Variants in NRG1 observed in about 807,000 individuals in gnomAD.
The protein encoded by NRG1 is pro-neuregulin-1, membrane-bound isoform.
NRG1 carries 18 observed loss-of-function variants against 63.8 expected under a neutral mutation model. The ratio of observed to expected loss-of-function variants is 0.28; its 90% CI spans 0.19 to 0.42. NRG1 has a LOEUF of 0.42. Ranked by LOEUF, NRG1 falls within the 10% of genes least tolerant of loss-of-function variation. NRG1 has a pLI of 1.00. For synonymous variants in NRG1, 302 were observed against 301.3 expected (o/e 1.00, Z -0.02); for missense variants, 762 against 814.7 (o/e 0.94, Z 0.79).
chr8:31,727,861 A>G (rs11781954), intron 1 of NRG1, among the ~76,000 whole-genome samples: 76,445 of 151,996 alleles, frequency 0.5, 20,972 homozygotes, highest in Non-Finnish European at 0.62. Flanking sequence ...CAGTATACCA[A>G]CATCACTGCT....
At chr8:32,286,252 T>C (rs1279123939) in intron 1 of NRG1, among the ~76,000 whole-genome samples, 1 of 152,176 alleles carries the variant, frequency 6.6e-6, no homozygotes, top group Non-Finnish European at 1.5e-5. Flanking sequence ...TTTGTAGTTG[T>C]TCACAAACCT....
intron 1 of NRG1, among the ~76,000 whole-genome samples, chr8:32,250,216 A>C (rs1440021837): frequency 6.6e-6 from 1 of 152,140 alleles, no homozygotes; most frequent in East Asian, 1.9e-4. Context: ...AACTCCATAA[A>C]AACGGTTGAT....
chr8:31,728,118 A>G (rs1813636384), intron 1 of NRG1, among the ~76,000 whole-genome samples: 1 of 152,192 alleles, frequency 6.6e-6, no homozygotes, highest in South Asian at 2.1e-4. Flanking sequence ...TTTCAAACCA[A>G]GGGTAACTGA....
At chr8:32,344,354 CTT>C (rs779716648) in intron 1 of NRG1, among the ~76,000 whole-genome samples, 1 of 36,348 alleles carries the variant, frequency 2.8e-5, no homozygotes, top group Admixed American at 2.2e-4. Context: ...TTCTTTCTTT[CTT>C]TCTTTCTTTC....
chr8:32,538,378 T>C (rs1200158409), intron 1 of NRG1, among the ~76,000 whole-genome samples: 1 of 152,194 alleles, frequency 6.6e-6, no homozygotes, highest in Non-Finnish European at 1.5e-5. Flanking sequence ...AAGGAATTTA[T>C]AGACAAGAAA....
At position 32,688,749 on chromosome 8, in the gene NRG1, G is replaced by T. The variant is rs1263653693; in HGVS notation, c.503-39200G>T. Among the ~76,000 whole-genome samples, 6 of 152,132 alleles carry T rather than the reference G, an allele frequency of 3.9e-5. 1 individual carries two copies. Among genetic ancestry groups the T allele is most frequent in the Middle Eastern group, 6.8e-3 (2 of 294 alleles). On this transcript the variant is annotated intron_variant, in intron 5 of 11. Transcript: ENST00000356819. ...CTTAAATAACATTATTAAAGCAATTGTTGCTTTAGGTTGTTCATTAATAAA... is the reference window on the plus strand; with the variant it reads ...CTTAAATAACATTATTAAAGCAATTTTTGCTTTAGGTTGTTCATTAATAAA...
At chr8:32,274,657 G>A (rs1272172330) in intron 1 of NRG1, among the ~76,000 whole-genome samples, 1 of 151,960 alleles carries the variant, frequency 6.6e-6, no homozygotes, top group Non-Finnish European at 1.5e-5. Flanking sequence ...TCTTTTTCTA[G>A]CCACCTGAGT....
chr8:31,946,172 A>C (rs1286970002), intron 1 of NRG1, among the ~76,000 whole-genome samples: 1 of 152,198 alleles, frequency 6.6e-6, no homozygotes, highest in Non-Finnish European at 1.5e-5. Context: ...CATTTGTCTG[A>C]CAGCATTTTT....
intron 1 of NRG1, among the ~76,000 whole-genome samples, chr8:32,278,331 A>G (rs1007527086): frequency 1.3e-5 from 2 of 152,182 alleles, no homozygotes; most frequent in African/African-American, 4.8e-5. Flanking sequence ...GGGGAAAAAA[A>G]GTTGAGAAAC....
chr8:32,073,092 G>A (rs1396540474), intron 1 of NRG1, among the ~76,000 whole-genome samples: 1 of 152,004 alleles, frequency 6.6e-6, no homozygotes, highest in Non-Finnish European at 1.5e-5. Flanking sequence ...TGAAAGTTCT[G>A]GCCTCTATCT....
intron 1 of NRG1, among the ~76,000 whole-genome samples, chr8:32,113,874 C>G (rs2131478027): frequency 6.6e-6 from 1 of 152,240 alleles, no homozygotes; most frequent in Admixed American, 6.5e-5. Flanking sequence ...CCATTTCATG[C>G]TGTAAAAATG....
At chr8:31,999,868 AT>A (rs573027886) in intron 1 of NRG1, among the ~76,000 whole-genome samples, 5 of 151,406 alleles carry the variant, frequency 3.3e-5, no homozygotes, top group African/African-American at 4.8e-5. Flanking sequence ...AAAAATGTGC[AT>A]TTTTTTTTCT....
intron 1 of NRG1, among the ~76,000 whole-genome samples, chr8:32,118,294 G>A (rs1456143876): frequency 2.0e-5 from 3 of 152,012 alleles, no homozygotes; most frequent in Non-Finnish European, 4.4e-5. Flanking sequence ...ATTAGTTTCT[G>A]TGAGAGTTGT....
intron 1 of NRG1, among the ~76,000 whole-genome samples, chr8:32,550,298 C>T (rs1051846718): frequency 6.6e-6 from 1 of 152,108 alleles, no homozygotes; most frequent in African/African-American, 2.4e-5. Context: ...GCACTTTATT[C>T]AACAAGATAG....
At chr8:32,769,671 T>G (rs1312453775), downstream of NRG1, among the ~76,000 whole-genome samples, 1 of 152,182 alleles carries the variant, frequency 6.6e-6, no homozygotes, top group Non-Finnish European at 1.5e-5. Context: ...GAACTATTAC[T>G]CCAAAAGATT....
chr8:32,175,935 C>A (rs2132057638), intron 1 of NRG1, among the ~76,000 whole-genome samples: 1 of 152,236 alleles, frequency 6.6e-6, no homozygotes, highest in East Asian at 1.9e-4. Flanking sequence ...TCAATGCCAT[C>A]CCCATCAAGC....
At chr8:31,815,687 G>A (rs1327219948) in intron 1 of NRG1, among the ~76,000 whole-genome samples, 1 of 152,150 alleles carries the variant, frequency 6.6e-6, no homozygotes, top group Admixed American at 6.5e-5. Flanking sequence ...CACAGCATCT[G>A]TACCATTTTG....
At chr8:32,363,658 C>T (rs1337756451) in intron 1 of NRG1, among the ~76,000 whole-genome samples, 1 of 152,108 alleles carries the variant, frequency 6.6e-6, no homozygotes, top group Non-Finnish European at 1.5e-5. Context: ...CTCTTTATCT[C>T]TCTTGGTACC....
intron 1 of NRG1, among the ~76,000 whole-genome samples, chr8:31,747,219 C>T (rs1815970363): frequency 6.6e-6 from 1 of 151,810 alleles, no homozygotes; most frequent in Non-Finnish European, 1.5e-5. Context: ...GGATGGATAC[C>T]CCATTCTCCA....
Sources: allele counts gnomAD v4.1 joint callset (sites outside exome capture counted in the v4.1 genomes callset), GRCh38; gene constraint gnomAD v4.1.1; transcripts MANE v1.5; gene names NCBI Gene and HGNC (gene_info 2026-07-23, HGNC 2026-07-21).